The following ARK2C variants were observed in gnomAD, a reference collection of about 807,000 sequenced individuals.
The protein encoded by ARK2C is E3 ubiquitin-protein ligase ARK2C.
At chr18:46,340,615 G>C in the ARK2C span, among the ~76,000 whole-genome samples, 30 of 152,336 alleles carry the variant, frequency 2.0e-4, no homozygotes, top group South Asian at 6.2e-3. Flanking sequence ...AAAGAGCTTG[G>C]AGCAGTCCAG....
chr18:46,412,806 T>C, the ARK2C span, among the ~76,000 whole-genome samples: 1,801 of 152,162 alleles, frequency 0.012, 30 homozygotes, highest in African/African-American at 0.041. Context: ...GTTTCATGCT[T>C]CAGATGGCAC....
chr18:46,455,614 A>G, the ARK2C span, among the ~76,000 whole-genome samples: 3 of 152,084 alleles, frequency 2.0e-5, no homozygotes, highest in Non-Finnish European at 4.4e-5. Context: ...AGGCAAGCAG[A>G]TCACCTGAGC....
chr18:46,425,572 A>G, the ARK2C span, among the ~76,000 whole-genome samples: 2 of 152,196 alleles, frequency 1.3e-5, no homozygotes, highest in Non-Finnish European at 2.9e-5. Flanking sequence ...CTGGAGCATC[A>G]GGACCTCCAG....
the ARK2C span, chr18:46,386,488 G>A: frequency 6.6e-6 from 1 of 152,258 alleles, no homozygotes; most frequent in Admixed American, 6.5e-5. Flanking sequence ...GGTAAGGACT[G>A]GGGCCAGAAC....
the ARK2C span, chr18:46,461,118 TAGA>T: frequency 5.3e-5 from 8 of 152,258 alleles, no homozygotes. Context: ...CCTGACTTCT[TAGA>T]AGGAGCCCTG....
chr18:46,417,647 T>C, the ARK2C span, among the ~76,000 whole-genome samples: 1 of 152,246 alleles, frequency 6.6e-6, no homozygotes, highest in South Asian at 2.1e-4. Context: ...TCTGTCATCA[T>C]CAATACATGA....
the ARK2C span, among the ~76,000 whole-genome samples, chr18:46,431,614 A>T: frequency 6.6e-6 from 1 of 151,984 alleles, no homozygotes; most frequent in Non-Finnish European, 1.5e-5. Context: ...TTCCATATTC[A>T]GACTTTCACT....
chr18:46,382,575 C>A, the ARK2C span, among the ~76,000 whole-genome samples: 1 of 152,174 alleles, frequency 6.6e-6, no homozygotes, highest in South Asian at 2.1e-4. Flanking sequence ...ACCCTACCTG[C>A]CCCATGAATC....
chr18:46,339,293 C>T, the ARK2C span, among the ~76,000 whole-genome samples: 11 of 152,210 alleles, frequency 7.2e-5, no homozygotes, highest in Non-Finnish European at 1.5e-4. Flanking sequence ...TTAGATCAAT[C>T]TTAACCAATT....
chr18:46,401,238 C>T, the ARK2C span, among the ~76,000 whole-genome samples: 1 of 152,094 alleles, frequency 6.6e-6, no homozygotes, highest in Non-Finnish European at 1.5e-5. Context: ...GACCCATTTC[C>T]CAGGAGCTGT....
At chr18:46,440,273 T>TGAGA in the ARK2C span, among the ~76,000 whole-genome samples, 62 of 148,468 alleles carry the variant, frequency 4.2e-4, no homozygotes, top group Admixed American at 8.7e-4. Context: ...TTTGAGAGAC[T>TGAGA]GAGAGAGAGA....
At chr18:46,433,422 C>T in the ARK2C span, 2 of 1,613,362 alleles carry the variant, frequency 1.2e-6, no homozygotes, top group South Asian at 2.2e-5. Flanking sequence ...GTCCCTCCTT[C>T]CTACCTCAGG....
chr18:46,416,619 C>T, the ARK2C span, among the ~76,000 whole-genome samples: 1 of 152,260 alleles, frequency 6.6e-6, no homozygotes, highest in Non-Finnish European at 1.5e-5. Flanking sequence ...ACCTTTTATG[C>T]AGCTCACAAG....
At chr18:46,348,664 CCA>C in the ARK2C span, among the ~76,000 whole-genome samples, 4 of 152,114 alleles carry the variant, frequency 2.6e-5, no homozygotes, top group Non-Finnish European at 5.9e-5. Context: ...GCAGCATTTT[CCA>C]CAGTGTCCAA....
At chr18:46,450,826 A>G in the ARK2C span, 2 of 1,551,844 alleles carry the variant, frequency 1.3e-6, no homozygotes, top group South Asian at 1.1e-5. Flanking sequence ...GCCAGCCTGC[A>G]TAGTCAGGGA....
At chr18:46,459,812 G>A in the ARK2C span, 1 of 152,858 alleles carries the variant, frequency 6.5e-6, no homozygotes, top group African/African-American at 2.4e-5. Flanking sequence ...CTCCAGGAGG[G>A]GAGACCACTG....
the ARK2C span, among the ~76,000 whole-genome samples, chr18:46,415,535 A>T: frequency 5.9e-5 from 9 of 151,570 alleles, no homozygotes; most frequent in Middle Eastern, 3.4e-3. Flanking sequence ...CAAAAAAAAT[A>T]AAAAAAATAA....
the ARK2C span, among the ~76,000 whole-genome samples, chr18:46,341,622 G>A: frequency 6.6e-6 from 1 of 152,234 alleles, no homozygotes; most frequent in East Asian, 1.9e-4. Context: ...TTTACATACA[G>A]ATTCCTGGTT....
the ARK2C span, among the ~76,000 whole-genome samples, chr18:46,407,836 A>G: frequency 2.6e-5 from 4 of 152,252 alleles, no homozygotes; most frequent in African/African-American, 4.8e-5. Context: ...GGGTGACACC[A>G]CAGGCATTAC....
Sources: allele counts gnomAD v4.1 joint callset (sites outside exome capture counted in the v4.1 genomes callset), GRCh38; gene constraint gnomAD v4.1.1; transcripts MANE v1.5; gene names NCBI Gene and HGNC (gene_info 2026-07-23, HGNC 2026-07-21).